The following CARMIL1 variants were observed in gnomAD, a reference collection of about 807,000 sequenced individuals.
The protein encoded by CARMIL1 is capping protein regulator and myosin 1 linker 1.
Under a neutral mutation model 177.1 loss-of-function variants are expected in CARMIL1, and 90 were observed. The observed-to-expected ratio is 0.51, with a 90% CI of 0.43 to 0.61. CARMIL1 has a LOEUF of 0.61. CARMIL1 is among the 20% of genes least tolerant of loss of function. The pLI, the probability that CARMIL1 is intolerant of heterozygous loss-of-function variation, is 0.00. For missense variants in CARMIL1, 1,380 were observed against 1,667.0 expected (o/e 0.83, Z 3.00); for synonymous variants, 577 against 606.2 (o/e 0.95, Z 0.71).
At chr6:25,495,355 A>G in intron 16 of CARMIL1, 140 bp downstream of exon 16, 1 of 548,392 alleles carries the variant, frequency 1.8e-6, no homozygotes, top group Non-Finnish European at 3.2e-6. Flanking sequence ...GGGCAGAAAA[A>G]TAAATTAAAA....
At chr6:25,461,663 A>G (rs1021787820) in intron 8 of CARMIL1, among the ~76,000 whole-genome samples, 1 of 152,166 alleles carries the variant, frequency 6.6e-6, no homozygotes, top group African/African-American at 2.4e-5. Flanking sequence ...TGTGAACATA[A>G]ATTTTGATTT....
rs777079909 is a variant in CARMIL1 at position 25,279,517 on chromosome 6, C to T, written c.-279C>T. On this transcript the variant is annotated 5_prime_UTR_variant, in exon 1 of 37. Coordinates refer to ENST00000329474, the MANE Select transcript of CARMIL1 (RefSeq NM_017640.6). ...CCACAGCCGCCCCGCGCCCCGCGCC[C>T]GCTTGTAATCCGGTCCGCTCCTTAT... The T allele has an allele frequency of 5.8e-6, 3 of 518,540 alleles. No individual in the cohort carries two copies. The highest frequency in any genetic ancestry group is 2.2e-5 in the South Asian group (1 of 44,966). 32.1% of individuals were successfully genotyped at this position (518,540 alleles called of 1,614,324 possible).
chr6:25,286,855 T>C (rs1208506434), intron 2 of CARMIL1, among the ~76,000 whole-genome samples: 1 of 152,234 alleles, frequency 6.6e-6, no homozygotes, highest in Non-Finnish European at 1.5e-5. Context: ...TATTTAAACA[T>C]GCTTATGATT....
chr6:25,306,774 A>G lies in CARMIL1; in HGVS notation c.138+21865A>G, dbSNP rs74673481. 3.6e-3 allele frequency among the ~76,000 whole-genome samples: 541 copies of G among 151,708 alleles called. 3 individuals carry two copies. The highest frequency in any genetic ancestry group is 0.012 in the African/African-American group (500 of 41,312). On this transcript the variant is annotated intron_variant, in intron 2 of 36. Transcript: ENST00000329474. ...TTACTGTATGGCTGAACATTGCTGT[A>G]TCTGAGTTCCTTCTTTCAGTTCTTT...
rs540555951 is a variant in CARMIL1 at position 25,577,740 on chromosome 6, A to G, written c.2743-3184A>G. Among the ~76,000 whole-genome samples, 2 of 142,120 alleles carry G rather than the reference A, an allele frequency of 1.4e-5. No individual in the cohort carries two copies. Among genetic ancestry groups the G allele is most frequent in the African/African-American group, 5.4e-5 (2 of 37,136 alleles). 93.2% of individuals were successfully genotyped at this position (142,120 alleles called of 152,430 possible). On this transcript the variant is annotated intron_variant, in intron 29 of 36. Coordinates refer to ENST00000329474, the MANE Select transcript of CARMIL1 (RefSeq NM_017640.6). This position sits in a 1 kb window ranked among gnomAD's most constrained non-coding sequence, Gnocchi z 4.5. ...AAAGTAGACATATCTCAATTGAGCT[A>G]TGTGCAGAATAGTTTAAAATTCATT...
At chr6:25,322,759 C>T (rs529436087) in intron 2 of CARMIL1, among the ~76,000 whole-genome samples, 2 of 152,348 alleles carry the variant, frequency 1.3e-5, no homozygotes, top group African/African-American at 4.8e-5. Flanking sequence ...AGGTAGCTTA[C>T]TGTTACCCTG....
intron 22 of CARMIL1, among the ~76,000 whole-genome samples, chr6:25,519,752 G>A (rs892676866): frequency 6.6e-6 from 1 of 152,190 alleles, no homozygotes; most frequent in African/African-American, 2.4e-5. Context: ...CTATTTTGTG[G>A]ATGCTAATGG....
At chr6:25,306,215 C>T (rs543668236) in intron 2 of CARMIL1, among the ~76,000 whole-genome samples, 33 of 152,128 alleles carry the variant, frequency 2.2e-4, no homozygotes, top group African/African-American at 7.2e-4. Flanking sequence ...TGGCTTGTGT[C>T]ATTTAGCAGA....
At chr6:25,332,276 G>A (rs187957351) in intron 2 of CARMIL1, among the ~76,000 whole-genome samples, 103 of 152,250 alleles carry the variant, frequency 6.8e-4, no homozygotes, top group Admixed American at 3.2e-3. Flanking sequence ...CCATTTACTC[G>A]TTTGTTTACA....
At chr6:25,325,506 G>GT (rs1785004558) in intron 2 of CARMIL1, among the ~76,000 whole-genome samples, 1 of 152,306 alleles carries the variant, frequency 6.6e-6, no homozygotes, top group South Asian at 2.1e-4. Context: ...ATATGGTACT[G>GT]TTTTGACTTG....
chr6:25,604,731 CATTT>C, intron 33 of CARMIL1, 77 bp from the exon 34 acceptor site: 1 of 1,130,192 alleles, frequency 8.8e-7, no homozygotes, highest in Non-Finnish European at 1.3e-6. Context: ...TCTTTGCTGT[CATTT>C]ATTATCTGCA....
At chr6:25,315,420 G>A (rs1221094860) in intron 2 of CARMIL1, among the ~76,000 whole-genome samples, 2 of 152,226 alleles carry the variant, frequency 1.3e-5, no homozygotes, top group Admixed American at 6.5e-5. Flanking sequence ...AAACATAGCA[G>A]CTTGGTCGCT....
At chr6:25,380,457 G>A (rs1405320534) in intron 2 of CARMIL1, among the ~76,000 whole-genome samples, 1 of 152,144 alleles carries the variant, frequency 6.6e-6, no homozygotes, top group African/African-American at 2.4e-5. Context: ...GTCAGATTTG[G>A]CTCTCTGGAG....
chr6:25,547,891 G>A (rs967012056), intron 26 of CARMIL1, among the ~76,000 whole-genome samples: 3 of 151,974 alleles, frequency 2.0e-5, no homozygotes, highest in South Asian at 2.1e-4. Context: ...ATCAAATACA[G>A]CTTGGAGTGT....
rs1480503529 is a variant in CARMIL1, at chr6:25,577,802, T to C, written c.2743-3122T>C. On this transcript the variant is annotated intron_variant, in intron 29 of 36. Transcript: ENST00000329474. This position sits in a 1 kb window ranked among gnomAD's most constrained non-coding sequence, Gnocchi z 4.5. ...TCAAATGAGTACAATTTCAGAGTAA[T>C]GTAGGCATTGATGCTTTTGGATTCT... 2.0e-5 allele frequency among the ~76,000 whole-genome samples: 3 copies of C among 152,180 alleles called. No individual in the cohort carries two copies. Among genetic ancestry groups the C allele is most frequent in the African/African-American group, 7.2e-5 (3 of 41,432 alleles).
rs377208251 is a variant in CARMIL1, at chr6:25,461,259, G to C, written c.615-4614G>C. Among the ~76,000 whole-genome samples the C allele has an allele frequency of 3.4e-3, 514 of 152,254 alleles. 1 individual carries two copies. Among genetic ancestry groups the C allele is most frequent in the African/African-American group, 0.012 (481 of 41,532 alleles). ...GAAATTAACTTTCTGAAACATTTCT[G>C]TTCGAAAGTTTTCTACGACTACCTT... On this transcript the variant is annotated intron_variant, in intron 8 of 36. Coordinates refer to ENST00000329474, the MANE Select transcript of CARMIL1 (RefSeq NM_017640.6).
intron 2 of CARMIL1, among the ~76,000 whole-genome samples, chr6:25,374,363 T>A (rs577191870): frequency 6.6e-6 from 1 of 152,340 alleles, no homozygotes; most frequent in South Asian, 2.1e-4. Flanking sequence ...TGATTTCTAG[T>A]TTTATTCCAC....
chr6:25,596,832 T>C (rs1350722480), intron 32 of CARMIL1, among the ~76,000 whole-genome samples: 2 of 139,820 alleles, frequency 1.4e-5, no homozygotes, highest in African/African-American at 5.6e-5. Context: ...ACCTGTATAC[T>C]CTGTCACCAA....
At chr6:25,434,136 A>G (rs1797037905) in intron 4 of CARMIL1, among the ~76,000 whole-genome samples, 1 of 152,190 alleles carries the variant, frequency 6.6e-6, no homozygotes, top group South Asian at 2.1e-4. Context: ...TCCTAGGCTC[A>G]AGCAATCGTC....
Sources: gnomAD v4.1 joint callset for allele counts (sites outside exome capture counted in the v4.1 genomes callset) on GRCh38, gnomAD v4.1.1 for gene constraint, Gnocchi (gnomAD v3.1) non-coding constraint, MANE v1.5 for transcripts, NCBI Gene and HGNC (gene_info 2026-07-23, HGNC 2026-07-21) for gene names.